Variants in TARDBP observed in about 807,000 individuals in gnomAD.
TARDBP encodes TAR DNA binding protein, also known as TAR DNA-binding protein 43.
TARDBP carries 4 observed loss-of-function variants against 38.3 expected under a neutral mutation model. The observed-to-expected ratio is 0.10, with a 90% CI of 0.05 to 0.24. The LOEUF (loss-of-function observed/expected upper bound fraction) is 0.24, where lower values mean the gene tolerates loss of function less well. TARDBP is among the 10% of genes least tolerant of loss of function. The pLI, the probability that TARDBP is intolerant of heterozygous loss-of-function variation, is 1.00. For synonymous variants in TARDBP, 184 were observed against 183.8 expected (o/e 1.00, Z -0.01); for missense variants, 202 against 521.9 (o/e 0.39, Z 5.97).
Position 11,022,937 on chromosome 1 carries a change from G to A in TARDBP, c.*283G>A, listed in dbSNP as rs1465840995. ...AACACACTACAATTGATATCAAAAG[G>A]TTTCTCCTGTAATATTTTATCCCTG... On this transcript the variant is annotated 3_prime_UTR_variant, in exon 6 of 6. Transcript: ENST00000240185. The surrounding 1 kb of genome is among the most constrained non-coding windows in gnomAD (Gnocchi z 4.5). The A allele has an allele frequency of 7.3e-7, 1 of 1,360,964 alleles. No individual in the cohort carries two copies. The highest frequency in any genetic ancestry group is 1.5e-5 in the African/African-American group (1 of 67,760). 84.3% of individuals were successfully genotyped at this position (1,360,964 alleles called of 1,614,324 possible).
chr1:11,016,774 T>C (rs1195646358), intron 2 of TARDBP, 70 bp from the exon 3 acceptor site: 4 of 1,485,818 alleles, frequency 2.7e-6, no homozygotes, highest in East Asian at 2.3e-5. Context: ...CATTTCTAGA[T>C]GTAGGAGGTA....
chr1:11,023,339 C>G lies in TARDBP; in HGVS notation c.*685C>G. On this transcript the variant is annotated 3_prime_UTR_variant, in exon 6 of 6. Transcript: ENST00000240185. The stretch of plus-strand genomic sequence containing the variant: ...GGCCGCGTCTTTGACGGTGGGTGTC[C>G]CATTTTTATCCGCTACTCTTTATTT... 1 of 1,298,190 alleles carries G rather than the reference C, an allele frequency of 7.7e-7. No individual in the cohort carries two copies. The allele number at this position is 1,298,190 out of a possible 1,614,324, so 80.4% of individuals were successfully genotyped here. A position where few individuals can be genotyped will look rare whatever the true frequency, so the allele number is the denominator to read the frequency against.
intron 3 of TARDBP, 172 bp from the exon 4 acceptor site, chr1:11,018,559 AGT>A: frequency 1.2e-6 from 1 of 815,422 alleles, no homozygotes; most frequent in Non-Finnish European, 2.0e-6. Context: ...TTGTTAACAC[AGT>A]ATGGATTCAA....
chr1:11,027,458 G>A (rs763268108), downstream of TARDBP: 12 of 1,614,120 alleles, frequency 7.4e-6, no homozygotes, highest in South Asian at 1.1e-5. Flanking sequence ...CCATTCGAAT[G>A]TCCAGGGCGG....
intron 1 of TARDBP, 33 bp from the exon 2 acceptor site, chr1:11,013,682 GA>G (rs760679678): frequency 1.5e-5 from 23 of 1,499,614 alleles, no homozygotes; most frequent in African/African-American, 4.1e-5. Context: ...ATTCTGACAT[GA>G]ATGTTGTTCA....
At chr1:11,014,032 C>CTTAG (rs1643467229) in intron 2 of TARDBP, 67 bp downstream of exon 2, 2 of 1,492,300 alleles carry the variant, frequency 1.3e-6, no homozygotes, top group African/African-American at 2.8e-5. Context: ...ATCCATGGAT[C>CTTAG]TTAGCCTCTT....
chr1:11,022,846 T>C lies in TARDBP; in HGVS notation c.*192T>C. On this transcript the variant is annotated 3_prime_UTR_variant, in exon 6 of 6. Transcript: ENST00000240185. This position sits in a 1 kb window ranked among gnomAD's most constrained non-coding sequence, Gnocchi z 4.5. ...AGAGCTAAAGGAATTTTATAAGTTTTGTTACATGAAAGGTTGAAATATTGA... is the reference window on the plus strand; with the variant it reads ...AGAGCTAAAGGAATTTTATAAGTTTCGTTACATGAAAGGTTGAAATATTGA... 2.2e-6 allele frequency: 3 copies of C among 1,373,942 alleles called. No homozygotes were observed. Among genetic ancestry groups the C allele is most frequent in the South Asian group, 4.0e-5 (2 of 49,692 alleles). 85.1% of individuals were successfully genotyped at this position (1,373,942 alleles called of 1,614,324 possible).
downstream of TARDBP, chr1:11,027,609 T>A: frequency 1.2e-6 from 2 of 1,614,014 alleles, no homozygotes; most frequent in Non-Finnish European, 1.7e-6. Flanking sequence ...TTGCCCTCCA[T>A]ATATACGCCC....
chr1:11,029,422 A>C (rs1286976106), downstream of TARDBP, among the ~76,000 whole-genome samples: 1 of 151,310 alleles, frequency 6.6e-6, no homozygotes, highest in East Asian at 2.0e-4. Context: ...TAATAATTCT[A>C]CTCAACTATT....
chr1:11,022,647 G>A lies in TARDBP; in HGVS notation c.1238G>A (p.Gly413Glu). Residue 413 changes from glycine to glutamate, a missense_variant, in exon 6 of 6, where the codon GGA (glycine) becomes GAA (glutamate). By Grantham distance (98) the Gly-to-Glu change is moderately conservative. This residue lies in a region of TARDBP where 107 missense variants were observed against 190.5 expected (regional missense o/e 0.56). Coordinates refer to ENST00000240185, the MANE Select transcript of TARDBP (RefSeq NM_007375.4). This position sits in a 1 kb window ranked among gnomAD's most constrained non-coding sequence, Gnocchi z 4.5. ...ATGGATTCTAAGTCTTCTGGCTGGG[G>A]AATGTAGACAGTGGGGTTGTGGTTG... is the stretch of plus-strand genomic sequence containing the variant. ...SSMDSKSSGW[G>E]M 6.2e-7 allele frequency: 1 copy of A among 1,609,076 alleles called. No individual in the cohort carries two copies. The highest frequency in any genetic ancestry group is 8.5e-7 in the Non-Finnish European group (1 of 1,177,638).
chr1:11,017,027 AAC>A lies in TARDBP; in HGVS notation c.402+22_402+23del. ...GTGCAGGTAAACTTCGATTGCATCA[AAC>A]AGTTTTTCTTTACCAGTGAATGAGT... On this transcript the variant is annotated intron_variant, in intron 3 of 5. Coordinates refer to ENST00000240185, the MANE Select transcript of TARDBP (RefSeq NM_007375.4). The A allele has an allele frequency of 1.9e-6, 3 of 1,613,576 alleles. No homozygotes were observed. The highest frequency in any genetic ancestry group is 2.5e-6 in the Non-Finnish European group (3 of 1,179,800).
chr1:11,022,119 T>TA lies in TARDBP; in HGVS notation c.715-4dup. ...TTCTTTGTTTACATCCCTTATTTCT[T>TA]ATAGATTGCGCAGTCTCTTTGTGGA... On this transcript the variant is annotated splice_polypyrimidine_tract_variant and splice_region_variant and intron_variant, in intron 5 of 5. Transcript: ENST00000240185. This position sits in a 1 kb window ranked among gnomAD's most constrained non-coding sequence, Gnocchi z 4.5. 1 of 1,614,012 alleles carries TA rather than the reference T, an allele frequency of 6.2e-7. No homozygotes were observed. The highest frequency in any genetic ancestry group is 8.5e-7 in the Non-Finnish European group (1 of 1,179,862).
At position 11,024,700 on chromosome 1, in the gene TARDBP, T is replaced by G. The variant is rs886045047; in HGVS notation, c.*2046T>G. The G allele has an allele frequency of 6.6e-6, 1 of 152,520 alleles. No individual in the cohort carries two copies. The highest frequency in any genetic ancestry group is 1.5e-5 in the Non-Finnish European group (1 of 68,078). 9.4% of individuals were successfully genotyped at this position (152,520 alleles called of 1,614,324 possible). On this transcript the variant is annotated 3_prime_UTR_variant, in exon 6 of 6. Coordinates refer to ENST00000240185, the MANE Select transcript of TARDBP (RefSeq NM_007375.4). ...GGAATGGGCTTTGTCCTCCAGGAGG[T>G]GGGGGAATGTGGTAACATTGAATAC...
At position 11,022,577 on chromosome 1, in the gene TARDBP, A is replaced by G. The variant is rs80356741; in HGVS notation, c.1168A>G (p.Asn390Asp). Reference protein sequence around the residue: ...GAAIGWGSASNAGSGSGFNGG... With the variant: ...GAAIGWGSASDAGSGSGFNGG... ...AGCAATTGGTTGGGGATCAGCATCC[A>G]ATGCAGGGTCGGGCAGTGGTTTTAA... is the stretch of plus-strand genomic sequence containing the variant. The change falls in exon 6 of 6, where the codon AAT (asparagine) becomes GAT (aspartate). Residue 390 changes from asparagine (N) to aspartate (D), a missense_variant. Asn to Asp is a conservative substitution (Grantham distance 23). Around this residue, in one of 5 missense-constraint regions of TARDBP, gnomAD observed 107 missense variants for 190.5 expected, o/e 0.56. Transcript: ENST00000240185. The surrounding 1 kb of genome is among the most constrained non-coding windows in gnomAD (Gnocchi z 4.5). 1 of 1,583,944 alleles carries G rather than the reference A, an allele frequency of 6.3e-7. No individual in the cohort carries two copies. The highest frequency in any genetic ancestry group is 8.6e-7 in the Non-Finnish European group (1 of 1,163,320).
chr1:11,022,768 T>G lies in TARDBP; in HGVS notation c.*114T>G, dbSNP rs568944641. ...CTAAGAATTTTCAAAATTGGTTTGT[T>G]CAGTGTGGAGTATATTCAGCAGTAT... On this transcript the variant is annotated 3_prime_UTR_variant, in exon 6 of 6. Transcript: ENST00000240185. This position sits in a 1 kb window ranked among gnomAD's most constrained non-coding sequence, Gnocchi z 4.5. The G allele has an allele frequency of 6.7e-7, 1 of 1,488,786 alleles. No individual in the cohort carries two copies. The highest frequency in any genetic ancestry group is 1.4e-5 in the African/African-American group (1 of 71,452). 92.2% of individuals were successfully genotyped at this position (1,488,786 alleles called of 1,614,324 possible).
downstream of TARDBP, chr1:11,027,148 C>G: frequency 1.2e-6 from 2 of 1,613,784 alleles, no homozygotes; most frequent in Non-Finnish European, 1.7e-6. Flanking sequence ...TCATATGCAG[C>G]AGTACATTTT....
At position 11,020,432 on chromosome 1, in the gene TARDBP, A is replaced by T; in HGVS notation, c.547A>T (p.Ser183Cys). 6.2e-7 allele frequency: 1 copy of T among 1,614,040 alleles called. No homozygotes were observed. The highest frequency in any genetic ancestry group is 8.5e-7 in the Non-Finnish European group (1 of 1,180,004). Residue 183 changes from serine (S) to cysteine (C), a missense_variant, in exon 5 of 6, where the codon AGC (serine) becomes TGC (cysteine). Ser to Cys is a moderately radical substitution (Grantham distance 112). Transcript: ENST00000240185. Reference sequence around the variant, plus strand: ...TTCTTCCTTTTGATTTGATCAGCAAAGCCAAGATGAGCCTTTGAGAAGCAG... The same window carrying T: ...TTCTTCCTTTTGATTTGATCAGCAATGCCAAGATGAGCCTTTGAGAAGCAG... ...CDCKLPNSKQ[S>C]QDEPLRSRKV...
Position 11,022,728 on chromosome 1 carries a change from TA to T in TARDBP, c.*78del. On this transcript the variant is annotated 3_prime_UTR_variant, in exon 6 of 6. Coordinates refer to ENST00000240185, the MANE Select transcript of TARDBP (RefSeq NM_007375.4). This position sits in a 1 kb window ranked among gnomAD's most constrained non-coding sequence, Gnocchi z 4.5. ...TTCTAAACTCATGGTAAGTATATTG[TA>T]AAATACATATGTACTAAGAATTTTC... is the stretch of plus-strand genomic sequence containing the variant. 5 of 1,550,650 alleles carry T rather than the reference TA, an allele frequency of 3.2e-6. No individual in the cohort carries two copies. Among genetic ancestry groups the T allele is most frequent in the Non-Finnish European group, 3.5e-6 (4 of 1,150,160 alleles).
chr1:11,012,957 G>A (rs1643438659), intron 1 of TARDBP, among the ~76,000 whole-genome samples: 1 of 152,254 alleles, frequency 6.6e-6, no homozygotes, highest in Non-Finnish European at 1.5e-5. Context: ...GGCCCGCGGT[G>A]CCGCGTAGCC....
Sources: gnomAD v4.1 joint callset for allele counts (sites outside exome capture counted in the v4.1 genomes callset) on GRCh38, gnomAD v4.1.1 for gene constraint, gnomAD v4.1.1 regional missense constraint, Gnocchi (gnomAD v3.1) non-coding constraint, MANE v1.5 for transcripts, NCBI Gene and HGNC (gene_info 2026-07-23, HGNC 2026-07-21) for gene names.